HACE1: variants seen among roughly 807,000 people sequenced by gnomAD.
HACE1 encodes the protein E3 ubiquitin-protein ligase HACE1.
A neutral mutation model predicts 118.4 loss-of-function variants in HACE1; 73 were observed. The observed-to-expected ratio is 0.62, with a 90% CI of 0.51 to 0.75. The LOEUF is 0.75. Among genes scored for constraint, HACE1 ranks in the 30% least tolerant of loss-of-function variants. HACE1 has a pLI of 0.00. For synonymous variants in HACE1, 368 were observed against 374.8 expected (o/e 0.98, Z 0.21); for missense variants, 749 against 1,102.2 (o/e 0.68, Z 4.54).
intron 19 of HACE1, among the ~76,000 whole-genome samples, chr6:104,759,653 A>G (rs1283466702): frequency 1.3e-5 from 2 of 152,194 alleles, no homozygotes; most frequent in African/African-American, 4.8e-5. Context: ...GAGAAGCAAG[A>G]GCAAACAAAT....
intron 17 of HACE1, among the ~76,000 whole-genome samples, chr6:104,775,257 C>A (rs1181257558): frequency 6.6e-6 from 1 of 152,070 alleles, no homozygotes; most frequent in Non-Finnish European, 1.5e-5. Context: ...GATCCTCCCA[C>A]CTCAGCCATA....
chr6:104,807,167 G>A (rs1363874054), intron 7 of HACE1, among the ~76,000 whole-genome samples: 1 of 151,992 alleles, frequency 6.6e-6, no homozygotes, highest in Admixed American at 6.6e-5. Context: ...GAGACTACAG[G>A]CGTGCGCCAC....
In HACE1 at chr6:104,795,635, T is replaced by C. The variant is rs1230090807; in HGVS notation, c.867A>G (p.Leu289=). Residue 289 remains leucine (L), a synonymous_variant, in exon 10 of 24, where the codon CTA becomes CTG. Coordinates refer to ENST00000262903, the MANE Select transcript of HACE1 (RefSeq NM_020771.4). ...CTTCAGCAAGGCTTGTTAGAATCTT[T>C]AGGTACTGGCTTTCACTTTGCTGAG... The part of the protein sequence containing the change: ...HLSQQSESQY[L]KILTSLAEVA... 2 of 1,613,364 alleles carry C rather than the reference T, an allele frequency of 1.2e-6. No individual in the cohort carries two copies. Among genetic ancestry groups the C allele is most frequent in the Non-Finnish European group, 1.7e-6 (2 of 1,179,464 alleles).
chr6:104,801,088 G>A (rs910641743), intron 7 of HACE1, among the ~76,000 whole-genome samples: 12 of 152,126 alleles, frequency 7.9e-5, no homozygotes, highest in Non-Finnish European at 1.3e-4. Context: ...TTCAATAGCC[G>A]ATTCGATCAA....
At chr6:104,833,474 T>C (rs1774208552) in intron 5 of HACE1, among the ~76,000 whole-genome samples, 1 of 152,148 alleles carries the variant, frequency 6.6e-6, no homozygotes, top group African/African-American at 2.4e-5. Flanking sequence ...GCCTCCTAAA[T>C]AGCTGAAATT....
chr6:104,805,066 C>G (rs577428804), intron 7 of HACE1, among the ~76,000 whole-genome samples: 1 of 152,280 alleles, frequency 6.6e-6, no homozygotes, highest in East Asian at 1.9e-4. Flanking sequence ...AGACACTTCT[C>G]AAAAGAAGAC....
At position 104,831,979 on chromosome 6, in the gene HACE1, A is replaced by AGAAGAG. The variant is rs370929585; in HGVS notation, c.534+1062_534+1063insCTCTTC. Among the ~76,000 whole-genome samples, 284 of 38,658 alleles carry AGAAGAG rather than the reference A, an allele frequency of 7.3e-3. 3 individuals are homozygous for AGAAGAG. The highest frequency in any genetic ancestry group is 0.015 in the Admixed American group (60 of 4,032). 25.4% of individuals were successfully genotyped at this position (38,658 alleles called of 152,430 possible). ...AGAAGAGAAGAGAAGAGAAGAGAAG[A>AGAAGAG]GAGGAAGGAAGGAAGGAAGGAAGGA... On this transcript the variant is annotated intron_variant, in intron 6 of 23. Coordinates refer to ENST00000262903, the MANE Select transcript of HACE1 (RefSeq NM_020771.4).
At chr6:104,806,670 A>G (rs535056648) in intron 7 of HACE1, among the ~76,000 whole-genome samples, 12 of 152,290 alleles carry the variant, frequency 7.9e-5, no homozygotes, top group African/African-American at 2.4e-4. Context: ...TCAACAAATA[A>G]TCATTCTTTA....
At chr6:104,761,619 A>C (rs926384676) in intron 19 of HACE1, among the ~76,000 whole-genome samples, 1 of 152,230 alleles carries the variant, frequency 6.6e-6, no homozygotes, top group Non-Finnish European at 1.5e-5. Context: ...GGGCAATACC[A>C]TTCAGGACAT....
intron 7 of HACE1, among the ~76,000 whole-genome samples, chr6:104,803,564 G>T (rs1770642914): frequency 6.6e-6 from 1 of 152,100 alleles, no homozygotes; most frequent in Non-Finnish European, 1.5e-5. Flanking sequence ...CTCAACATAT[G>T]CAAATCAATA....
rs1391551765 is a variant in HACE1 at position 104,729,018 on chromosome 6, T to G, written c.*644A>C. Reference sequence around the variant, plus strand: ...TATATACATATGGAAAACTGGCCACTGAAAGATGCAAATAATTCATACAAT... The same window carrying G: ...TATATACATATGGAAAACTGGCCACGGAAAGATGCAAATAATTCATACAAT... On this transcript the variant is annotated 3_prime_UTR_variant, in exon 24 of 24. Coordinates refer to ENST00000262903, the MANE Select transcript of HACE1 (RefSeq NM_020771.4). The G allele has an allele frequency of 6.6e-6, 1 of 152,568 alleles. No individual in the cohort carries two copies. Among genetic ancestry groups the G allele is most frequent in the Non-Finnish European group, 1.5e-5 (1 of 67,994 alleles). The allele number at this position is 152,568 out of a possible 1,614,324, so 9.5% of individuals were successfully genotyped here.
At position 104,787,657 on chromosome 6, in the gene HACE1, T is replaced by C. The variant is rs969992130; in HGVS notation, c.1075-2338A>G. 5.3e-5 allele frequency among the ~76,000 whole-genome samples: 8 copies of C among 152,244 alleles called. No homozygotes were observed. The East Asian group carries it at 1.2e-3, about 22-fold the overall frequency. On this transcript the variant is annotated intron_variant, in intron 11 of 23. Coordinates refer to ENST00000262903, the MANE Select transcript of HACE1 (RefSeq NM_020771.4). ...CAACACACTGAAAGGAGGTAAGGCC[T>C]AACGCAAGAAATGACACAGGCTGAT...
chr6:104,766,639 CA>C (rs1164449385), intron 19 of HACE1, among the ~76,000 whole-genome samples: 1 of 152,178 alleles, frequency 6.6e-6, no homozygotes, highest in African/African-American at 2.4e-5. Context: ...ATCGTTAAAA[CA>C]TACTAAATTT....
At chr6:104,788,526 T>C (rs1401355954) in intron 11 of HACE1, among the ~76,000 whole-genome samples, 1 of 152,182 alleles carries the variant, frequency 6.6e-6, no homozygotes. Context: ...ATTGATATCC[T>C]GTTAGTCTGA....
chr6:104,799,622 G>A (rs1770078229), intron 7 of HACE1, among the ~76,000 whole-genome samples: 1 of 152,038 alleles, frequency 6.6e-6, no homozygotes, highest in South Asian at 2.1e-4. Context: ...ACAGTTACAT[G>A]GCAGACCAGA....
At chr6:104,795,047 T>C (rs1054456303) in intron 10 of HACE1, among the ~76,000 whole-genome samples, 1 of 152,102 alleles carries the variant, frequency 6.6e-6, no homozygotes, top group Admixed American at 6.6e-5. Flanking sequence ...GAAAGAAGTG[T>C]AGCTACAGGA....
Position 104,771,981 on chromosome 6 carries a change from T to C in HACE1, c.1958A>G (p.Asn653Ser). ...FAGQILGLAL[N>S]HRQLVNIYFT... ...GTAAATATTGACCAGCTGCCTGTGG[T>C]TCAACGCTAATCCCAAGATCTGCCC... The change falls in exon 18 of 24, where the codon AAC becomes AGC. Residue 653 changes from asparagine to serine, a missense_variant. Physicochemically the swap from Asn to Ser is conservative, Grantham distance 46 (BLOSUM62 1). This residue lies in a region of HACE1 where 195 missense variants were observed against 322.1 expected (regional missense o/e 0.61). Coordinates refer to ENST00000262903, the MANE Select transcript of HACE1 (RefSeq NM_020771.4). The C allele has an allele frequency of 6.2e-7, 1 of 1,609,264 alleles. No homozygotes were observed. Among genetic ancestry groups the C allele is most frequent in the East Asian group, 2.2e-5 (1 of 44,802 alleles).
intron 19 of HACE1, 21 bp downstream of exon 19, chr6:104,771,172 G>C: frequency 6.4e-7 from 1 of 1,553,246 alleles, no homozygotes; most frequent in South Asian, 1.1e-5. Flanking sequence ...CAATGGTTAA[G>C]GTAAAAACTG....
At chr6:104,832,044 AAAAG>A (rs1340568215) in intron 6 of HACE1, among the ~76,000 whole-genome samples, 13 of 151,588 alleles carry the variant, frequency 8.6e-5, no homozygotes, top group Admixed American at 5.2e-4. Context: ...AAAGAAAAGA[AAAAG>A]AAAGAAAAGA....
Sources: gnomAD v4.1 joint callset for allele counts (sites outside exome capture counted in the v4.1 genomes callset) on GRCh38, gnomAD v4.1.1 for gene constraint, gnomAD v4.1.1 regional missense constraint, MANE v1.5 for transcripts, NCBI Gene and HGNC (gene_info 2026-07-23, HGNC 2026-07-21) for gene names.